The following DNAH10 variants were observed in gnomAD, a reference collection of about 807,000 sequenced individuals.
DNAH10 encodes axonemal beta dynein heavy chain 10.
A neutral mutation model predicts 506.6 loss-of-function variants in DNAH10; 348 were observed. That is an observed-to-expected ratio of 0.69 (90% CI 0.63 to 0.75). The LOEUF (loss-of-function observed/expected upper bound fraction) is 0.75, where lower values mean the gene tolerates loss of function less well. Among genes scored for constraint, DNAH10 ranks in the 30% least tolerant of loss-of-function variants. The pLI, the probability that DNAH10 is intolerant of heterozygous loss-of-function variation, is 0.00. For synonymous variants in DNAH10, 2,059 were observed against 2,198.6 expected, an observed-to-expected ratio of 0.94 and a Z score of 1.78; for missense variants, 5,179 against 5,787.1, an observed-to-expected ratio of 0.89 and a Z score of 3.41.
At chr12:123,897,069 C>T (rs756482665) in intron 54 of DNAH10, among the ~76,000 whole-genome samples, 123 of 152,156 alleles carry the variant, frequency 8.1e-4, no homozygotes, top group Non-Finnish European at 9.4e-4. Context: ...TTTGCCTGTT[C>T]TAGAGAGGGT....
intron 54 of DNAH10, among the ~76,000 whole-genome samples, chr12:123,896,686 G>A (rs1241574766): frequency 6.8e-6 from 1 of 146,770 alleles, no homozygotes; most frequent in Non-Finnish European, 1.5e-5. Flanking sequence ...CAGTAGGGAA[G>A]GAATTAGGTA....
At position 123,814,863 on chromosome 12, in the gene DNAH10, C is replaced by T. The variant is rs907201316; in HGVS notation, c.3780+951C>T. Among the ~76,000 whole-genome samples, 28 of 152,116 alleles carry T rather than the reference C, an allele frequency of 1.8e-4. 1 individual carries two copies. Among genetic ancestry groups the T allele is most frequent in the African/African-American group, 6.0e-4 (25 of 41,406 alleles). On this transcript the variant is annotated intron_variant, in intron 21 of 78. Transcript: ENST00000673944. ...CGATCTCCTGACCTTGTGATCCACC[C>T]ACCTTGGCCTCCCAAAGTGCTGGGA...
At chr12:123,870,549 G>A (rs756985666) in intron 44 of DNAH10, 64 bp downstream of exon 44, 365 of 1,558,522 alleles carry the variant, frequency 2.3e-4, no homozygotes, top group Admixed American at 2.9e-4. Flanking sequence ...CTAGGAGGAG[G>A]CAAAGAAGAT....
intron 43 of DNAH10, among the ~76,000 whole-genome samples, chr12:123,870,002 G>C (rs549599275): frequency 6.6e-6 from 1 of 152,124 alleles, no homozygotes; most frequent in Non-Finnish European, 1.5e-5. Context: ...CCTGGCCCTC[G>C]AACAACTGCA....
intron 44 of DNAH10, 128 bp downstream of exon 44, chr12:123,870,613 T>C: frequency 7.4e-7 from 1 of 1,346,810 alleles, no homozygotes; most frequent in Non-Finnish European, 9.9e-7. Context: ...TAGAGAAGAA[T>C]TGAAGAGGGT....
intron 50 of DNAH10, among the ~76,000 whole-genome samples, chr12:123,880,334 A>ATTATTTAT (rs752757481): frequency 1.3e-5 from 2 of 151,926 alleles, no homozygotes; most frequent in Admixed American, 1.3e-4. Flanking sequence ...CCTTTAAGAC[A>ATTATTTAT]TTATTTATTT....
intron 59 of DNAH10, among the ~76,000 whole-genome samples, chr12:123,911,204 G>C (rs1305480161): frequency 7.5e-6 from 1 of 133,166 alleles, no homozygotes; most frequent in Admixed American, 7.4e-5. Flanking sequence ...GATGTTTAAA[G>C]TTGTTTCTCT....
chr12:123,805,115 G>A, intron 18 of DNAH10, 75 bp downstream of exon 18: 1 of 1,452,508 alleles, frequency 6.9e-7, no homozygotes, highest in Non-Finnish European at 9.4e-7. Context: ...ACAGTTAGAG[G>A]GGGTGGCAAG....
intron 76 of DNAH10, among the ~76,000 whole-genome samples, 197 bp from the exon 77 acceptor site, chr12:123,933,134 A>T (rs1955296984): frequency 6.6e-6 from 1 of 152,124 alleles, no homozygotes; most frequent in Non-Finnish European, 1.5e-5. Flanking sequence ...ATTTATTTTT[A>T]TATCTAAATC....
chr12:123,856,300 A>ATG (rs1951386614), intron 36 of DNAH10, among the ~76,000 whole-genome samples: 1 of 149,628 alleles, frequency 6.7e-6, no homozygotes, highest in South Asian at 2.1e-4. Context: ...ATATATATGT[A>ATG]TGTGTATATA....
chr12:123,917,953 G>C lies in DNAH10; in HGVS notation c.11232+140G>C. 1 of 904,086 alleles carries C rather than the reference G, an allele frequency of 1.1e-6. No individual in the cohort carries two copies. Among genetic ancestry groups the C allele is most frequent in the South Asian group, 1.7e-5 (1 of 57,774 alleles). 56.0% of individuals were successfully genotyped at this position (904,086 alleles called of 1,614,324 possible). ...AAACCCACCTCTATTGGGATGTGCTGTGGGGAGGGGAGCCCTAAAGGTGTT... is the reference window on the plus strand; with the variant it reads ...AAACCCACCTCTATTGGGATGTGCTCTGGGGAGGGGAGCCCTAAAGGTGTT... On this transcript the variant is annotated intron_variant, in intron 64 of 78. Coordinates refer to ENST00000673944, the MANE Select transcript of DNAH10 (RefSeq NM_001372106.1). This position sits in a 1 kb window ranked among gnomAD's most constrained non-coding sequence, Gnocchi z 5.6.
rs2137292785 is a variant in DNAH10, at chr12:123,902,890, G to A, written c.9641-49G>A. On this transcript the variant is annotated intron_variant, in intron 56 of 78. Coordinates refer to ENST00000673944, the MANE Select transcript of DNAH10 (RefSeq NM_001372106.1). The surrounding 1 kb of genome is among the most constrained non-coding windows in gnomAD (Gnocchi z 4.5). The stretch of plus-strand genomic sequence containing the variant: ...TCTGCTCAGAGCCGGGGCCGCGAGT[G>A]CATCTCCTCTGAGCCCAAGCTTTAC... The A allele has an allele frequency of 2.0e-6, 3 of 1,532,072 alleles. No homozygotes were observed. The highest frequency in any genetic ancestry group is 2.6e-6 in the Non-Finnish European group (3 of 1,136,772). The allele number at this position is 1,532,072 out of a possible 1,614,324, so 94.9% of individuals were successfully genotyped here.
chr12:123,765,680 C>G (rs1346953332), intron 1 of DNAH10, among the ~76,000 whole-genome samples: 1 of 151,352 alleles, frequency 6.6e-6, no homozygotes, highest in African/African-American at 2.4e-5. Context: ...TATTATCTAT[C>G]TACCAACTGA....
intron 54 of DNAH10, among the ~76,000 whole-genome samples, chr12:123,897,297 A>G (rs1188838766): frequency 1.3e-5 from 2 of 152,264 alleles, no homozygotes; most frequent in Non-Finnish European, 2.9e-5. Flanking sequence ...GATAGTCTAC[A>G]GTAAACATTG....
In DNAH10 at chr12:123,887,330, C is replaced by T. The variant is rs201909135; in HGVS notation, c.8995+17C>T. 8.0e-5 allele frequency: 129 copies of T among 1,608,602 alleles called. 1 individual carries two copies. Among genetic ancestry groups the T allele is most frequent in the South Asian group, 7.0e-4 (63 of 90,212 alleles). ...TGACCTCAGGTACAGCCAAGGCTGG[C>T]GCCCGCTGTGGCCAACACCCCGCTC... On this transcript the variant is annotated intron_variant, in intron 52 of 78. Transcript: ENST00000673944.
chr12:123,878,431 A>C (rs1276585439), intron 48 of DNAH10, among the ~76,000 whole-genome samples: 2 of 152,206 alleles, frequency 1.3e-5, no homozygotes, highest in African/African-American at 4.8e-5. Flanking sequence ...AAGATACTGA[A>C]AAATGAATTG....
chr12:123,862,765 A>G (rs948210010), intron 39 of DNAH10, among the ~76,000 whole-genome samples: 54 of 152,222 alleles, frequency 3.5e-4, no homozygotes, highest in African/African-American at 1.2e-3. Context: ...TGTGGACTAT[A>G]CATTAGATAA....
chr12:123,913,476 A>G lies in DNAH10; in HGVS notation c.10352+161A>G, dbSNP rs1954326622. ...ATCATGTTTATGGCAGCTAATGGCT[A>G]TTTTATAGGCTCTTGTTTGTATTAG... On this transcript the variant is annotated intron_variant, in intron 60 of 78. Coordinates refer to ENST00000673944, the MANE Select transcript of DNAH10 (RefSeq NM_001372106.1). The surrounding 1 kb of genome is among the most constrained non-coding windows in gnomAD (Gnocchi z 5.1). 1.3e-5 allele frequency among the ~76,000 whole-genome samples: 2 copies of G among 152,164 alleles called. No homozygotes were observed. Among genetic ancestry groups the G allele is most frequent in the African/African-American group, 4.8e-5 (2 of 41,434 alleles).
Position 123,918,728 on chromosome 12 carries a change from T to C in DNAH10, c.11285T>C (p.Leu3762Pro), listed in dbSNP as rs772861345. The C allele has an allele frequency of 6.3e-7, 1 of 1,598,612 alleles. No homozygotes were observed. Among genetic ancestry groups the C allele is most frequent in the Non-Finnish European group, 8.6e-7 (1 of 1,168,684 alleles). The change falls in exon 65 of 79, where the codon CTG becomes CCG. Residue 3762 changes from leucine (L) to proline (P), a missense_variant. Around this residue, in one of 3 missense-constraint regions of DNAH10, gnomAD observed 4,844 missense variants for 5,430.5 expected, o/e 0.89. Coordinates refer to ENST00000673944, the MANE Select transcript of DNAH10 (RefSeq NM_001372106.1). ...AAGACAGCCTTGGACATCGACAGGC[T>C]GCGGGATGGCTACCGGCCAGCAGCC... ...AEKTALDIDRLRDGYRPAARR... is the reference protein window; with the variant it reads ...AEKTALDIDRPRDGYRPAARR...
Sources: allele counts gnomAD v4.1 joint callset (sites outside exome capture counted in the v4.1 genomes callset), GRCh38; gene constraint gnomAD v4.1.1; regional missense constraint gnomAD v4.1.1; non-coding constraint Gnocchi (gnomAD v3.1); transcripts MANE v1.5; gene names NCBI Gene and HGNC (gene_info 2026-07-23, HGNC 2026-07-21).